Variants in SUGCT observed in about 807,000 individuals in gnomAD.
SUGCT encodes succinyl-CoA:glutarate CoA-transferase.
A neutral mutation model predicts 55.0 loss-of-function variants in SUGCT; 41 were observed. The observed-to-expected ratio is 0.74, with a 90% CI of 0.58 to 0.97. SUGCT has a LOEUF of 0.97. Ranked by LOEUF, SUGCT falls within the 50% of genes least tolerant of loss-of-function variation. The pLI is 0.00. For missense variants in SUGCT, 568 were observed against 547.8 expected (o/e 1.04, Z -0.37); for synonymous variants, 187 against 200.4 (o/e 0.93, Z 0.56).
chr7:40,755,583 G>A (rs1294827990), intron 13 of SUGCT, among the ~76,000 whole-genome samples: 2 of 152,202 alleles, frequency 1.3e-5, no homozygotes, highest in Non-Finnish European at 2.9e-5. Context: ...GAGCCAGAGT[G>A]GAGCATGCTG....
chr7:40,444,474 T>C (rs1788699519), intron 9 of SUGCT, among the ~76,000 whole-genome samples: 3 of 152,166 alleles, frequency 2.0e-5, no homozygotes, highest in Non-Finnish European at 2.9e-5. Flanking sequence ...CATTTTATTC[T>C]CTTTGAAGCA....
At chr7:40,435,478 C>A (rs1583669680) in intron 9 of SUGCT, among the ~76,000 whole-genome samples, 1 of 152,212 alleles carries the variant, frequency 6.6e-6, no homozygotes, top group East Asian at 1.9e-4. Context: ...CCTGAATTAC[C>A]TGGGTTGCTG....
At chr7:40,367,264 GT>G (rs1234983424) in intron 9 of SUGCT, among the ~76,000 whole-genome samples, 1 of 133,038 alleles carries the variant, frequency 7.5e-6, no homozygotes, top group Non-Finnish European at 1.6e-5. Flanking sequence ...GGGGACTGTT[GT>G]GGGGTGGGGG....
At chr7:40,855,639 C>A (rs1488267308) in intron 13 of SUGCT, among the ~76,000 whole-genome samples, 1 of 152,040 alleles carries the variant, frequency 6.6e-6, no homozygotes, top group African/African-American at 2.4e-5. Context: ...GAAAAAAGAT[C>A]TGGATGCCTG....
intron 9 of SUGCT, among the ~76,000 whole-genome samples, chr7:40,379,178 T>C (rs1238158863): frequency 6.6e-6 from 1 of 152,210 alleles, no homozygotes; most frequent in African/African-American, 2.4e-5. Flanking sequence ...GAATCTGTCC[T>C]ATAGCTTTTA....
intron 7 of SUGCT, among the ~76,000 whole-genome samples, chr7:40,252,459 C>A (rs1000831852): frequency 6.6e-6 from 1 of 152,016 alleles, no homozygotes; most frequent in African/African-American, 2.4e-5. Flanking sequence ...GTTTGGGGTA[C>A]CTTTCAAACA....
intron 12 of SUGCT, among the ~76,000 whole-genome samples, chr7:40,572,249 T>C (rs918195536): frequency 6.6e-6 from 1 of 152,074 alleles, no homozygotes; most frequent in African/African-American, 2.4e-5. Context: ...CTGTAAAAAT[T>C]CAGGGGGGAA....
At chr7:40,531,365 G>C (rs1794073171) in intron 12 of SUGCT, among the ~76,000 whole-genome samples, 1 of 151,958 alleles carries the variant, frequency 6.6e-6, no homozygotes, top group Non-Finnish European at 1.5e-5. Flanking sequence ...TGGCAGGGTG[G>C]GTCTTCTGAC....
chr7:40,267,183 T>C (rs537695432), intron 7 of SUGCT, among the ~76,000 whole-genome samples: 240 of 152,332 alleles, frequency 1.6e-3, no homozygotes, highest in African/African-American at 5.6e-3. Context: ...TTGTATGTCT[T>C]AAGTGTTAAC....
chr7:40,872,314 A>G, the SUGCT span, among the ~76,000 whole-genome samples: 3 of 152,146 alleles, frequency 2.0e-5, no homozygotes, highest in African/African-American at 7.2e-5. Context: ...AAAACTTACC[A>G]TAGTGGTTTT....
At chr7:40,249,321 A>ATATATATCTATATATC (rs1562612028) in intron 7 of SUGCT, among the ~76,000 whole-genome samples, 5 of 109,466 alleles carry the variant, frequency 4.6e-5, no homozygotes, top group South Asian at 2.6e-4. Flanking sequence ...AGCTATATAT[A>ATATATATCTATATATC]TATATATATA....
intron 12 of SUGCT, among the ~76,000 whole-genome samples, chr7:40,509,417 A>G (rs1290765569): frequency 6.6e-6 from 1 of 152,086 alleles, no homozygotes; most frequent in African/African-American, 2.4e-5. Flanking sequence ...ACCCTTTGGA[A>G]ACTGTCATTT....
intron 5 of SUGCT, among the ~76,000 whole-genome samples, chr7:40,193,198 C>T (rs1306866690): frequency 6.6e-6 from 1 of 151,600 alleles, no homozygotes; most frequent in Non-Finnish European, 1.5e-5. Flanking sequence ...AACTCCTGAC[C>T]TCAAGTGATC....
intron 6 of SUGCT, among the ~76,000 whole-genome samples, chr7:40,215,495 C>T (rs1224619005): frequency 6.6e-6 from 1 of 152,030 alleles, no homozygotes; most frequent in East Asian, 1.9e-4. Context: ...TTTGAGGATA[C>T]TAGCAAACAA....
At chr7:40,142,718 A>G (rs1487099741) in intron 1 of SUGCT, among the ~76,000 whole-genome samples, 4 of 152,222 alleles carry the variant, frequency 2.6e-5, no homozygotes, top group African/African-American at 9.6e-5. Flanking sequence ...TTATACTTCC[A>G]TCAGGGACAG....
intron 12 of SUGCT, among the ~76,000 whole-genome samples, chr7:40,725,466 A>G (rs1039738902): frequency 1.3e-5 from 2 of 150,752 alleles, no homozygotes; most frequent in African/African-American, 5.0e-5. Context: ...GCATGCTCAT[A>G]TTTCCTTTTA....
At chr7:40,243,063 G>A (rs923353239) in intron 7 of SUGCT, among the ~76,000 whole-genome samples, 19 of 144,916 alleles carry the variant, frequency 1.3e-4, no homozygotes, top group African/African-American at 4.6e-4. Flanking sequence ...AGCCTCCTGA[G>A]TAGCTGGGAC....
At chr7:40,953,072 G>A in the SUGCT span, among the ~76,000 whole-genome samples, 6 of 152,058 alleles carry the variant, frequency 3.9e-5, no homozygotes, top group Non-Finnish European at 7.4e-5. Context: ...CATTCTTCCC[G>A]TCCCTTTCAG....
At chr7:40,928,740 C>T in the SUGCT span, among the ~76,000 whole-genome samples, 7 of 151,844 alleles carry the variant, frequency 4.6e-5, no homozygotes, top group African/African-American at 7.3e-5. Flanking sequence ...GCTGGGACTA[C>T]AGGCACGCAC....
Sources: gnomAD v4.1 joint callset for allele counts (sites outside exome capture counted in the v4.1 genomes callset) on GRCh38, gnomAD v4.1.1 for gene constraint, MANE v1.5 for transcripts, NCBI Gene and HGNC (gene_info 2026-07-23, HGNC 2026-07-21) for gene names.